MSH3: variants seen among roughly 807,000 people sequenced by gnomAD.
MSH3 encodes DNA mismatch repair protein Msh3.
In MSH3, 106 loss-of-function variants were observed where a neutral mutation model predicts 123.3. The ratio of observed to expected loss-of-function variants is 0.86; its 90% CI spans 0.73 to 1.01. The LOEUF is 1.01. Among genes scored for constraint, MSH3 ranks in the 50% least tolerant of loss-of-function variants. The pLI is 0.00. For missense variants in MSH3, 1,459 were observed against 1,347.6 expected (o/e 1.08, Z -1.29); for synonymous variants, 515 against 481.4 (o/e 1.07, Z -0.91).
At chr5:80,693,624 TACACACAC>T (rs370934498) in intron 8 of MSH3, among the ~76,000 whole-genome samples, 56,993 of 145,976 alleles carry the variant, frequency 0.39, 11,574 homozygotes, top group East Asian at 0.62. Flanking sequence ...CACACACATA[TACACACAC>T]ACACACACAC....
chr5:80,819,366 GTGTATATATATGTGTATATA>G (rs1344842879), intron 20 of MSH3, among the ~76,000 whole-genome samples: 2 of 70,124 alleles, frequency 2.9e-5, no homozygotes, highest in Non-Finnish European at 6.1e-5. Flanking sequence ...ATATATATGT[GTGTATATATATGTGTATATA>G]TGTATATATG....
chr5:80,847,223 A>G (rs1354511328), intron 20 of MSH3, among the ~76,000 whole-genome samples: 1 of 151,946 alleles, frequency 6.6e-6, no homozygotes, highest in Non-Finnish European at 1.5e-5. Context: ...CTACCCTTGC[A>G]TAATTTCTGT....
chr5:80,711,591 T>G (rs1750860037), intron 8 of MSH3, among the ~76,000 whole-genome samples: 1 of 152,192 alleles, frequency 6.6e-6, no homozygotes, highest in African/African-American at 2.4e-5. Flanking sequence ...TGCGATTGTG[T>G]CTATTTCCTT....
At chr5:80,808,250 T>C (rs1744933664) in intron 19 of MSH3, among the ~76,000 whole-genome samples, 2 of 152,322 alleles carry the variant, frequency 1.3e-5, no homozygotes, top group South Asian at 4.1e-4. Flanking sequence ...GAGATTCCTT[T>C]TGGTTTTCCT....
chr5:80,841,062 C>A (rs1302441197), intron 20 of MSH3, among the ~76,000 whole-genome samples: 5 of 151,882 alleles, frequency 3.3e-5, no homozygotes, highest in South Asian at 4.2e-4. Context: ...CCACTCCCCC[C>A]ACCCCACGAC....
chr5:80,733,168 T>C (rs1444780990), intron 10 of MSH3, among the ~76,000 whole-genome samples: 1 of 152,076 alleles, frequency 6.6e-6, no homozygotes, highest in Non-Finnish European at 1.5e-5. Flanking sequence ...GAATTCAGAG[T>C]CTGGAAATAA....
intron 1 of MSH3, 74 bp downstream of exon 1, chr5:80,655,038 C>A: frequency 1.1e-6 from 1 of 890,106 alleles, no homozygotes. Flanking sequence ...CGGGCGGAGG[C>A]GGGGACCCTC....
At chr5:80,856,510 A>T (rs1580093319) in intron 21 of MSH3, among the ~76,000 whole-genome samples, 2 of 127,984 alleles carry the variant, frequency 1.6e-5, no homozygotes, top group African/African-American at 3.0e-5. Flanking sequence ...ATGAGAACAC[A>T]TGGGCACAGG....
chr5:80,845,846 A>G (rs1280002920), intron 20 of MSH3, among the ~76,000 whole-genome samples: 1 of 152,150 alleles, frequency 6.6e-6, no homozygotes, highest in African/African-American at 2.4e-5. Flanking sequence ...ATGGGTTAGA[A>G]CATGCTCCTT....
intron 19 of MSH3, among the ~76,000 whole-genome samples, chr5:80,793,109 C>A (rs1744637618): frequency 6.6e-6 from 1 of 152,072 alleles, no homozygotes; most frequent in Non-Finnish European, 1.5e-5. Context: ...TTGTAAATAC[C>A]CAATATGCAA....
At chr5:80,794,490 T>C (rs1417647928) in intron 19 of MSH3, among the ~76,000 whole-genome samples, 3 of 152,128 alleles carry the variant, frequency 2.0e-5, no homozygotes, top group Non-Finnish European at 2.9e-5. Flanking sequence ...GTCAAGGACA[T>C]GGGGTAAAAC....
At chr5:80,702,026 A>C (rs1004743385) in intron 8 of MSH3, among the ~76,000 whole-genome samples, 8 of 152,056 alleles carry the variant, frequency 5.3e-5, no homozygotes, top group Non-Finnish European at 1.0e-4. Flanking sequence ...AACAAAAAAA[A>C]CCCAAAAACC....
intron 10 of MSH3, among the ~76,000 whole-genome samples, chr5:80,730,043 G>T (rs1743383969): frequency 6.6e-6 from 1 of 152,154 alleles, no homozygotes; most frequent in African/African-American, 2.4e-5. Context: ...TTTTTGTAAT[G>T]TCTTTGATGT....
chr5:80,811,376 T>C (rs1157490909), intron 19 of MSH3, among the ~76,000 whole-genome samples: 1 of 152,124 alleles, frequency 6.6e-6, no homozygotes, highest in Non-Finnish European at 1.5e-5. Flanking sequence ...TGTGGTGAAT[T>C]ACATTGATTG....
rs1174658305 is a variant in MSH3 at position 80,854,252 on chromosome 5, G to C, written c.2936G>C (p.Arg979Thr). The C allele has an allele frequency of 6.8e-6, 11 of 1,614,002 alleles. No homozygotes were observed. The highest frequency in any genetic ancestry group is 5.9e-6 in the Non-Finnish European group (7 of 1,179,922). Residue 979 changes from arginine (R) to threonine (T), a missense_variant, in exon 21 of 24, where the codon AGA (arginine) becomes ACA (threonine). By Grantham distance (71) the Arg-to-Thr change is moderately conservative (BLOSUM62 -1). Transcript: ENST00000265081. Reference sequence around the variant, plus strand: ...TTGGTTATCTTGGATGAACTAGGAAGAGGGACGAGCACTCATGATGGAATT... The same window carrying C: ...TTGGTTATCTTGGATGAACTAGGAACAGGGACGAGCACTCATGATGGAATT... ...QSLVILDELG[R>T]GTSTHDGIAI...
intron 8 of MSH3, among the ~76,000 whole-genome samples, chr5:80,720,064 G>A (rs1419973625): frequency 2.6e-5 from 4 of 152,164 alleles, no homozygotes; most frequent in Admixed American, 6.5e-5. Flanking sequence ...ATACATGGAA[G>A]ATTGGCTAAG....
intron 23 of MSH3, among the ~76,000 whole-genome samples, chr5:80,874,612 A>G (rs1166264855): frequency 1.3e-5 from 2 of 152,224 alleles, no homozygotes; most frequent in African/African-American, 4.8e-5. Context: ...TCTCTGAAAA[A>G]AACCTAGAAT....
intron 20 of MSH3, among the ~76,000 whole-genome samples, chr5:80,837,992 C>A (rs951866712): frequency 6.6e-5 from 10 of 152,206 alleles, no homozygotes; most frequent in African/African-American, 2.4e-4. Flanking sequence ...AGGATGCTTG[C>A]AGATCACATG....
intron 20 of MSH3, among the ~76,000 whole-genome samples, chr5:80,832,257 G>A (rs1745432901): frequency 6.6e-6 from 1 of 152,158 alleles, no homozygotes; most frequent in Admixed American, 6.6e-5. Flanking sequence ...TTCCAGGATG[G>A]GGAAAGGGGA....
Sources: gnomAD v4.1 joint callset for allele counts (sites outside exome capture counted in the v4.1 genomes callset) on GRCh38, gnomAD v4.1.1 for gene constraint, MANE v1.5 for transcripts, NCBI Gene and HGNC (gene_info 2026-07-23, HGNC 2026-07-21) for gene names.